PCSK5: variants seen among roughly 807,000 people sequenced by gnomAD.
The protein encoded by PCSK5 is proprotein convertase subtilisin/kexin type 5, also known as prohormone convertase 5.
In PCSK5, 129 loss-of-function variants were observed where a neutral mutation model predicts 233.2. The observed-to-expected ratio is 0.55, with a 90% CI of 0.48 to 0.64. The LOEUF is 0.64. Ranked by LOEUF, PCSK5 falls within the 30% of genes least tolerant of loss-of-function variation. The pLI, the probability that PCSK5 is intolerant of heterozygous loss-of-function variation, is 0.00. For synonymous variants in PCSK5, 825 were observed against 879.2 expected (o/e 0.94, Z 1.09); for missense variants, 2,076 against 2,430.1 (o/e 0.85, Z 3.06).
chr9:76,351,756 G>C (rs922900855), intron 36 of PCSK5, among the ~76,000 whole-genome samples: 2 of 141,410 alleles, frequency 1.4e-5, no homozygotes, highest in African/African-American at 5.3e-5. Flanking sequence ...TTTTTTCTTT[G>C]AGACAGGGTC....
chr9:75,943,759 G>A (rs762832030), intron 2 of PCSK5, among the ~76,000 whole-genome samples: 31 of 152,118 alleles, frequency 2.0e-4, no homozygotes, highest in East Asian at 1.9e-4. Context: ...AATGAACTGC[G>A]CATGTAAGAA....
intron 2 of PCSK5, among the ~76,000 whole-genome samples, chr9:75,953,117 T>C (rs1443306259): frequency 6.6e-6 from 1 of 152,166 alleles, no homozygotes; most frequent in Non-Finnish European, 1.5e-5. Flanking sequence ...TAGAATTTCA[T>C]AGTCTAAAAT....
chr9:76,036,593 G>A lies in PCSK5; in HGVS notation c.632+9556G>A, dbSNP rs142322981. Among the ~76,000 whole-genome samples the A allele has an allele frequency of 3.1e-3, 466 of 152,268 alleles. 5 individuals carry two copies. Among genetic ancestry groups the A allele is most frequent in the African/African-American group, 0.011 (442 of 41,556 alleles). On this transcript the variant is annotated intron_variant, in intron 5 of 37. Transcript: ENST00000674117. Reference sequence around the variant, plus strand: ...ACAACCAAAACACCTACAAATGTCTGGGGTTGCTATTTGACTCTATTTGAG... The same window carrying A: ...ACAACCAAAACACCTACAAATGTCTAGGGTTGCTATTTGACTCTATTTGAG...
chr9:76,088,736 CCACGACTA>C (rs1426812474), intron 7 of PCSK5, among the ~76,000 whole-genome samples: 2 of 152,168 alleles, frequency 1.3e-5, no homozygotes, highest in Admixed American at 1.3e-4. Context: ...TACACCTTTA[CCACGACTA>C]CATTATCTCT....
At chr9:75,932,041 CCT>C (rs1284209199) in intron 1 of PCSK5, among the ~76,000 whole-genome samples, 4 of 152,250 alleles carry the variant, frequency 2.6e-5, no homozygotes, top group African/African-American at 9.6e-5. Context: ...GATTTTCCCC[CCT>C]CTTTCCCACA....
rs541369704 is a variant in PCSK5 at position 76,155,172 on chromosome 9, C to T, written c.1313-1873C>T. On this transcript the variant is annotated intron_variant, in intron 10 of 37. Transcript: ENST00000674117. ...TTAATATGTCCTATCTGGCTAAGTA[C>T]CTGATATTAAAGTAAGGAGACCTTA... Among the ~76,000 whole-genome samples the T allele has an allele frequency of 4.6e-5, 7 of 152,152 alleles. 1 individual carries two copies. The highest frequency in any genetic ancestry group is 3.9e-4 in the Admixed American group (6 of 15,286).
intron 1 of PCSK5, among the ~76,000 whole-genome samples, chr9:75,894,715 A>G (rs1825740765): frequency 6.6e-6 from 1 of 152,094 alleles, no homozygotes; most frequent in Non-Finnish European, 1.5e-5. Flanking sequence ...TGGAACCAGC[A>G]CCTTCTGAGC....
intron 9 of PCSK5, among the ~76,000 whole-genome samples, chr9:76,121,289 G>A (rs1199971571): frequency 2.0e-5 from 3 of 151,262 alleles, no homozygotes; most frequent in African/African-American, 7.3e-5. Flanking sequence ...TGATTTATTA[G>A]AATAATACAT....
intron 2 of PCSK5, among the ~76,000 whole-genome samples, chr9:75,969,832 C>T (rs1045860964): frequency 1.3e-5 from 2 of 151,296 alleles, no homozygotes; most frequent in African/African-American, 2.4e-5. Flanking sequence ...ACTGGGCAAG[C>T]GAGAATTCTC....
intron 10 of PCSK5, among the ~76,000 whole-genome samples, chr9:76,155,692 G>A (rs1472646720): frequency 5.3e-5 from 8 of 152,192 alleles, no homozygotes; most frequent in Non-Finnish European, 1.2e-4. Context: ...AAATTAATTA[G>A]TTACCAGAGT....
intron 2 of PCSK5, among the ~76,000 whole-genome samples, chr9:75,946,880 G>A (rs1824599503): frequency 6.6e-6 from 1 of 152,070 alleles, no homozygotes; most frequent in South Asian, 2.1e-4. Context: ...AAGCCACCGC[G>A]CCCAGCCAAT....
intron 5 of PCSK5, among the ~76,000 whole-genome samples, chr9:76,036,023 G>GA (rs1370720250): frequency 6.6e-6 from 1 of 151,526 alleles, no homozygotes; most frequent in East Asian, 1.9e-4. Context: ...AGAGCATGCT[G>GA]AAAAAAATAA....
chr9:75,890,776 C>T lies in PCSK5; in HGVS notation c.-406C>T, dbSNP rs76937529. On this transcript the variant is annotated 5_prime_UTR_variant, in exon 1 of 38. Transcript: ENST00000674117. ...CAGCAGAGGGGGCGCCCGGTCGCTG[C>T]CTGTACCGCTCCCGCTGGTCATCTC... 15,866 of 174,174 alleles carry T rather than the reference C, an allele frequency of 0.091. 919 individuals carry two copies. The highest frequency in any genetic ancestry group is 0.13 in the Admixed American group (2,017 of 15,866). The allele number at this position is 174,174 out of a possible 1,614,324, so 10.8% of individuals were successfully genotyped here.
At chr9:75,945,613 T>C (rs554132323) in intron 2 of PCSK5, among the ~76,000 whole-genome samples, 6 of 27,454 alleles carry the variant, frequency 2.2e-4, no homozygotes, top group African/African-American at 1.1e-3. Flanking sequence ...GATTTTTTTT[T>C]AATGACTTTA....
chr9:76,176,866 T>C (rs1446200682), intron 14 of PCSK5, among the ~76,000 whole-genome samples: 1 of 152,190 alleles, frequency 6.6e-6, no homozygotes, highest in African/African-American at 2.4e-5. Context: ...CGTCTACAAA[T>C]TGGTTTTGTT....
rs150629783 is a variant in PCSK5 at position 76,129,722 on chromosome 9, T to TTC, written c.1209-4385_1209-4384dup. ...GAAAACCCTTTGGTGAAGGATTTTT[T>TTC]TCTTTTTTAATTGAAGTGCTAGTGG... On this transcript the variant is annotated intron_variant, in intron 9 of 37. Coordinates refer to ENST00000674117, the MANE Select transcript of PCSK5 (RefSeq NM_001372043.1). 2.9e-3 allele frequency among the ~76,000 whole-genome samples: 438 copies of TTC among 151,960 alleles called. 4 individuals are homozygous for TTC. The highest frequency in any genetic ancestry group is 0.01 in the African/African-American group (416 of 41,458).
chr9:76,157,222 T>G, intron 11 of PCSK5, 60 bp downstream of exon 11: 1 of 1,111,394 alleles, frequency 9.0e-7, no homozygotes, highest in Non-Finnish European at 1.4e-6. Context: ...AGCCAGTCAA[T>G]TGCTCAAGAC....
chr9:75,925,111 G>A (rs1268808655), intron 1 of PCSK5, among the ~76,000 whole-genome samples: 2 of 152,110 alleles, frequency 1.3e-5, no homozygotes, highest in Non-Finnish European at 2.9e-5. Flanking sequence ...TATGATTTTT[G>A]TTCAGTGATT....
intron 10 of PCSK5, among the ~76,000 whole-genome samples, chr9:76,139,540 C>T (rs1195224062): frequency 6.6e-6 from 1 of 151,936 alleles, no homozygotes; most frequent in East Asian, 1.9e-4. Context: ...AGTCTTGATC[C>T]CACTTGCAGA....
Sources: gnomAD v4.1 joint callset for allele counts (sites outside exome capture counted in the v4.1 genomes callset) on GRCh38, gnomAD v4.1.1 for gene constraint, MANE v1.5 for transcripts, NCBI Gene and HGNC (gene_info 2026-07-23, HGNC 2026-07-21) for gene names.